The following KCNN2 variants were observed in gnomAD, a reference collection of about 807,000 sequenced individuals.
KCNN2 encodes potassium calcium-activated channel subfamily N member 2.
A neutral mutation model predicts 55.5 loss-of-function variants in KCNN2; 24 were observed. The observed-to-expected ratio is 0.43, with a 90% confidence interval of 0.31 to 0.61. The LOEUF is 0.61. Ranked by LOEUF, KCNN2 falls within the 20% of genes least tolerant of loss-of-function variation. The probability of loss-of-function intolerance (pLI) is 0.08; values close to 1 mark genes in which losing one functional copy is unlikely to be tolerated. For missense variants in KCNN2, 754 were observed against 853.6 expected, an observed-to-expected ratio of 0.88 and a Z score of 1.45; for synonymous variants, 431 against 336.1, an observed-to-expected ratio of 1.28 and a Z score of -3.09.
At chr5:114,433,464 G>T (rs1759874394) in intron 3 of KCNN2, 1 of 152,256 alleles carries the variant, frequency 6.6e-6, no homozygotes, top group Admixed American at 6.5e-5. Flanking sequence ...GCAGGATGTG[G>T]GTGGGGCCAG....
intron 1 of KCNN2, among the ~76,000 whole-genome samples, chr5:114,190,242 A>T (rs916292753): frequency 1.3e-5 from 2 of 152,096 alleles, no homozygotes; most frequent in Non-Finnish European, 2.9e-5. Context: ...TTCTAGGTAG[A>T]TACGTTAGAG....
intron 1 of KCNN2, among the ~76,000 whole-genome samples, chr5:114,094,280 G>A (rs2112559899): frequency 6.6e-6 from 1 of 152,144 alleles, no homozygotes; most frequent in Non-Finnish European, 1.5e-5. Context: ...CAGGTCTTCA[G>A]CACAGAATAG....
intron 3 of KCNN2, among the ~76,000 whole-genome samples, chr5:114,448,308 C>A (rs1156296262): frequency 6.6e-6 from 1 of 152,140 alleles, no homozygotes; most frequent in Non-Finnish European, 1.5e-5. Context: ...CAAGGGTGTT[C>A]TGAAGCCTTT....
intron 3 of KCNN2, among the ~76,000 whole-genome samples, chr5:114,455,280 T>C (rs1760868630): frequency 6.6e-6 from 1 of 152,234 alleles, no homozygotes; most frequent in South Asian, 2.1e-4. Context: ...TTTTGGTAAT[T>C]CTTGTAGCTT....
chr5:114,242,977 A>G (rs1298271860), intron 2 of KCNN2, among the ~76,000 whole-genome samples: 3 of 148,974 alleles, frequency 2.0e-5, no homozygotes, highest in African/African-American at 7.4e-5. Context: ...AGTGTCAAAT[A>G]CTGATTAGAC....
intron 3 of KCNN2, among the ~76,000 whole-genome samples, chr5:114,429,916 T>C (rs887565176): frequency 6.7e-6 from 1 of 149,924 alleles, no homozygotes; most frequent in Non-Finnish European, 1.5e-5. Context: ...TTTGCCTGTA[T>C]CAATGATCAG....
intron 6 of KCNN2, chr5:114,490,847 G>A: frequency 2.5e-6 from 1 of 396,814 alleles, no homozygotes; most frequent in Non-Finnish European, 4.4e-6. Context: ...TGTGATAAGT[G>A]AAGTTCACAA....
At chr5:114,405,316 G>A (rs1481916492) in intron 3 of KCNN2, among the ~76,000 whole-genome samples, 2 of 152,172 alleles carry the variant, frequency 1.3e-5, no homozygotes, top group African/African-American at 2.4e-5. Context: ...GTATATAATA[G>A]TTTTCAAATG....
intron 2 of KCNN2, among the ~76,000 whole-genome samples, chr5:114,367,447 A>G (rs546070525): frequency 5.3e-5 from 8 of 152,320 alleles, no homozygotes; most frequent in South Asian, 2.1e-4. Context: ...CTTGTTTTCT[A>G]TATCTATCAG....
chr5:114,359,159 T>C (rs1441765545), upstream of KCNN2, among the ~76,000 whole-genome samples: 1 of 152,160 alleles, frequency 6.6e-6, no homozygotes, highest in Non-Finnish European at 1.5e-5. Flanking sequence ...CACAGTGAGT[T>C]TTACATTATT....
chr5:114,120,104 ATTT>A (rs1174735350), intron 1 of KCNN2, among the ~76,000 whole-genome samples: 11 of 152,172 alleles, frequency 7.2e-5, no homozygotes, highest in Non-Finnish European at 5.9e-5. Flanking sequence ...GAAGCTCTTG[ATTT>A]TTTTAAAAGA....
At chr5:114,410,244 C>A (rs1191278428) in intron 3 of KCNN2, among the ~76,000 whole-genome samples, 1 of 152,118 alleles carries the variant, frequency 6.6e-6, no homozygotes, top group South Asian at 2.1e-4. Context: ...TGACTTGTAC[C>A]TTTTGAGACT....
intron 1 of KCNN2, among the ~76,000 whole-genome samples, chr5:114,136,568 G>A (rs561417307): frequency 8.1e-4 from 123 of 152,252 alleles, no homozygotes; most frequent in Middle Eastern, 3.4e-3. Context: ...GGTGGAGGGA[G>A]GATCTATAAG....
intron 2 of KCNN2, among the ~76,000 whole-genome samples, chr5:114,368,145 A>G (rs1757660017): frequency 6.6e-6 from 1 of 152,104 alleles, no homozygotes; most frequent in East Asian, 1.9e-4. Flanking sequence ...ACCCTCATAC[A>G]GACGGTTGAC....
At chr5:114,118,185 C>A (rs114759389) in intron 1 of KCNN2, among the ~76,000 whole-genome samples, 1 of 152,088 alleles carries the variant, frequency 6.6e-6, no homozygotes, top group African/African-American at 2.4e-5. Context: ...TGAACTCTCA[C>A]GATTTCCAGG....
chr5:114,172,982 G>C (rs577939994), intron 1 of KCNN2, among the ~76,000 whole-genome samples: 4 of 151,842 alleles, frequency 2.6e-5, no homozygotes, highest in Admixed American at 2.0e-4. Flanking sequence ...CAGTGCTTGT[G>C]GGGTATTACT....
At chr5:114,469,783 G>A (rs1168949814) in intron 4 of KCNN2, among the ~76,000 whole-genome samples, 1 of 152,156 alleles carries the variant, frequency 6.6e-6, no homozygotes, top group African/African-American at 2.4e-5. Context: ...AAAGCTTTCG[G>A]AAGTGAGCCA....
intron 3 of KCNN2, among the ~76,000 whole-genome samples, chr5:114,416,664 A>T (rs971535930): frequency 2.6e-5 from 4 of 152,334 alleles, no homozygotes; most frequent in African/African-American, 9.6e-5. Flanking sequence ...TCTGCTCATG[A>T]TTTAGTCTTC....
chr5:114,252,245 A>G (rs1032390528), intron 2 of KCNN2, among the ~76,000 whole-genome samples: 5 of 152,062 alleles, frequency 3.3e-5, no homozygotes, highest in Non-Finnish European at 7.4e-5. Flanking sequence ...TTTCTGCCCT[A>G]TGTACTTAAA....
Sources: allele counts gnomAD v4.1 joint callset (sites outside exome capture counted in the v4.1 genomes callset), GRCh38; gene constraint gnomAD v4.1.1; transcripts MANE v1.5; gene names NCBI Gene and HGNC (gene_info 2026-07-23, HGNC 2026-07-21).